Variants in FBN1 observed in about 807,000 individuals in gnomAD.
FBN1 encodes the protein fibrillin 1.
In FBN1, 29 loss-of-function variants were observed where a neutral mutation model predicts 365.1. The observed-to-expected ratio is 0.08, with a 90% CI of 0.06 to 0.11. The LOEUF is 0.11. Ranked by LOEUF, FBN1 falls within the 10% of genes least tolerant of loss-of-function variation. The pLI, the probability that FBN1 is intolerant of heterozygous loss-of-function variation, is 1.00. For synonymous variants in FBN1, 1,210 were observed against 1,270.5 expected (o/e 0.95, Z 1.01); for missense variants, 2,476 against 3,703.2 (o/e 0.67, Z 8.60).
At chr15:48,550,739 C>T (rs931464295) in intron 6 of FBN1, among the ~76,000 whole-genome samples, 6 of 152,094 alleles carry the variant, frequency 3.9e-5, no homozygotes, top group Non-Finnish European at 1.5e-5. Context: ...GAATGCCTTT[C>T]CTCTCCCTAT....
At chr15:48,468,679 C>T in intron 36 of FBN1, 145 bp from the exon 37 acceptor site, 1 of 802,150 alleles carries the variant, frequency 1.2e-6, no homozygotes, top group Non-Finnish European at 2.1e-6. Flanking sequence ...CAGTCTTCCA[C>T]TTCAGAGATA....
At position 48,513,644 on chromosome 15, in the gene FBN1, G is replaced by A. The variant is rs1031691847; in HGVS notation, c.1493C>T (p.Pro498Leu). 2 of 1,613,932 alleles carry A rather than the reference G, an allele frequency of 1.2e-6. No individual in the cohort carries two copies. Among genetic ancestry groups the A allele is most frequent in the South Asian group, 1.1e-5 (1 of 91,080 alleles). The stretch of plus-strand genomic sequence containing the variant: ...GTTAATACACTCACCACCAGCACAG[G>A]GGTTTTTCTCACATTCATCAACATC... ...CIDVDECEKN[P>L]CAGGECINNQ... Residue 498 changes from proline (P) to leucine (L), a missense_variant, in exon 13 of 66, where the codon CCC (proline) becomes CTC (leucine). Physicochemically the swap from Pro to Leu is moderately conservative, Grantham distance 98. Transcript: ENST00000316623.
At chr15:48,493,129 G>A (rs1013355346) in intron 23 of FBN1, among the ~76,000 whole-genome samples, 5 of 152,090 alleles carry the variant, frequency 3.3e-5, no homozygotes, top group Admixed American at 3.3e-4. Flanking sequence ...CCATGCTTTG[G>A]TCTCAGCTTG....
intron 6 of FBN1, among the ~76,000 whole-genome samples, chr15:48,584,386 T>C (rs1489219763): frequency 2.0e-5 from 3 of 152,208 alleles, no homozygotes; most frequent in Admixed American, 6.5e-5. Context: ...CAACTCCTCC[T>C]AATTAGATAT....
At chr15:48,503,726 CA>C (rs2043682886) in intron 17 of FBN1, 60 bp downstream of exon 17, 5 of 1,606,868 alleles carry the variant, frequency 3.1e-6, no homozygotes, top group Non-Finnish European at 3.4e-6. Flanking sequence ...TCCACAAATG[CA>C]AAGACCTCAA....
At chr15:48,524,156 C>T (rs2043886817) in intron 9 of FBN1, among the ~76,000 whole-genome samples, 1 of 151,990 alleles carries the variant, frequency 6.6e-6, no homozygotes, top group Non-Finnish European at 1.5e-5. Flanking sequence ...AAAGACAACC[C>T]TACAGGCAAT....
chr15:48,565,980 C>T (rs780676833), intron 6 of FBN1, among the ~76,000 whole-genome samples: 13 of 152,194 alleles, frequency 8.5e-5, no homozygotes, highest in Admixed American at 7.2e-4. Flanking sequence ...GAAATATGAA[C>T]TCTTACACAC....
intron 43 of FBN1, 101 bp from the exon 44 acceptor site, chr15:48,456,863 TGTGTGTGTGC>T: frequency 8.8e-7 from 1 of 1,133,624 alleles, no homozygotes; most frequent in Non-Finnish European, 1.3e-6. Context: ...TGTGTGTGTG[TGTGTGTGTGC>T]GTGCATGTGT....
At chr15:48,537,932 G>T (rs2141358657) in intron 6 of FBN1, 124 bp from the exon 7 acceptor site, 1 of 976,264 alleles carries the variant, frequency 1.0e-6, no homozygotes, top group Non-Finnish European at 1.6e-6. Flanking sequence ...ACAGAATCAT[G>T]CATCACTGTC....
rs770762570 is a variant in FBN1 at position 48,433,005 on chromosome 15, T to A, written c.6617-17A>T. On this transcript the variant is annotated splice_polypyrimidine_tract_variant and intron_variant, in intron 54 of 65. Coordinates refer to ENST00000316623, the MANE Select transcript of FBN1 (RefSeq NM_000138.5). Reference sequence around the variant, plus strand: ...CATTTATATCTGCAGCAGAGGAGAGTAAGTAAATAAGGGATCATGGACAGC... The same window carrying A: ...CATTTATATCTGCAGCAGAGGAGAGAAAGTAAATAAGGGATCATGGACAGC... The A allele has an allele frequency of 1.2e-6, 2 of 1,612,404 alleles. No individual in the cohort carries two copies. Among genetic ancestry groups the A allele is most frequent in the East Asian group, 2.2e-5 (1 of 44,846 alleles).
intron 2 of FBN1, among the ~76,000 whole-genome samples, chr15:48,619,405 ACT>A (rs1490262422): frequency 6.6e-6 from 1 of 150,664 alleles, no homozygotes; most frequent in African/African-American, 2.4e-5. Context: ...TAGATTGGTG[ACT>A]CTATTACGTT....
At chr15:48,494,780 T>A (rs1018377724) in intron 22 of FBN1, among the ~76,000 whole-genome samples, 50 of 152,308 alleles carry the variant, frequency 3.3e-4, no homozygotes, top group African/African-American at 1.2e-3. Flanking sequence ...TAGTCATGAA[T>A]ACCGGTTTCT....
intron 25 of FBN1, 90 bp from the exon 26 acceptor site, chr15:48,488,583 G>A (rs2043530350): frequency 6.8e-7 from 1 of 1,473,828 alleles, no homozygotes; most frequent in Non-Finnish European, 9.3e-7. Context: ...CATGAAGGTT[G>A]GAAGTTCTTG....
rs1297045802 is a variant in FBN1 at position 48,495,135 on chromosome 15, G to C, written c.2665C>G (p.Leu889Val). 1 of 1,614,112 alleles carries C rather than the reference G, an allele frequency of 6.2e-7. No individual in the cohort carries two copies. Among genetic ancestry groups the C allele is most frequent in the Non-Finnish European group, 8.5e-7 (1 of 1,179,988 alleles). ...LGAAWGSPCTLCQVDPICGKG... is the reference protein window; with the variant it reads ...LGAAWGSPCTVCQVDPICGKG... ...GGGTTTCTCTTACCAACTTGGCATA[G>C]GGTGCACGGGCTTCCCCACGCAGCA... The change falls in exon 22 of 66, where the codon CTA becomes GTA. Residue 889 changes from leucine to valine, a missense_variant. Around this residue, in one of 5 missense-constraint regions of FBN1, gnomAD observed 1,780 missense variants for 2,840.8 expected, o/e 0.63. Transcript: ENST00000316623.
intron 6 of FBN1, among the ~76,000 whole-genome samples, chr15:48,589,961 T>C (rs1287539516): frequency 2.0e-5 from 3 of 152,192 alleles, no homozygotes; most frequent in Non-Finnish European, 2.9e-5. Flanking sequence ...GAGAGGTTCA[T>C]AGAGGCCTTC....
Position 48,490,046 on chromosome 15 carries a change from C to T in FBN1, c.2887G>A (p.Glu963Lys), listed in dbSNP as rs745709588. Residue 963 changes from glutamate to lysine, a missense_variant, in exon 25 of 66, where the codon GAG (glutamate) becomes AAG (lysine). Transcript: ENST00000316623. ...IRLETCFLRY[E>K]DEECTLPIAG... is the part of the protein sequence containing the mutation. ...ATAGGCAGGGTGCACTCCTCGTCCT[C>T]GTACCTCAGGAAGCAGGTTTCCAGG... 1.9e-6 allele frequency: 3 copies of T among 1,614,154 alleles called. No homozygotes were observed. The highest frequency in any genetic ancestry group is 2.2e-5 in the East Asian group (1 of 44,870).
At chr15:48,599,928 T>A (rs911141552) in intron 5 of FBN1, among the ~76,000 whole-genome samples, 1 of 152,130 alleles carries the variant, frequency 6.6e-6, no homozygotes, top group Admixed American at 6.5e-5. Flanking sequence ...GGAAAATGAA[T>A]CAAACAACCT....
intron 6 of FBN1, among the ~76,000 whole-genome samples, chr15:48,570,307 T>C (rs1454457600): frequency 2.0e-5 from 3 of 152,244 alleles, no homozygotes; most frequent in Non-Finnish European, 4.4e-5. Flanking sequence ...GGTTATGACC[T>C]CATTAACATC....
chr15:48,438,045 G>C, intron 50 of FBN1, 128 bp from the exon 51 acceptor site: 1 of 960,382 alleles, frequency 1.0e-6, no homozygotes, highest in Non-Finnish European at 1.7e-6. Flanking sequence ...TACTCCTTAC[G>C]TGATTCTAAT....
Sources: allele counts gnomAD v4.1 joint callset (sites outside exome capture counted in the v4.1 genomes callset), GRCh38; gene constraint gnomAD v4.1.1; regional missense constraint gnomAD v4.1.1; transcripts MANE v1.5; gene names NCBI Gene and HGNC (gene_info 2026-07-23, HGNC 2026-07-21).